Variants in AGO3 observed in about 807,000 individuals in gnomAD.
AGO3 encodes the protein protein argonaute-3.
AGO3 carries 16 observed loss-of-function variants against 105.5 expected under a neutral mutation model. The observed-to-expected ratio is 0.15, with a 90% CI of 0.10 to 0.23. AGO3 has a LOEUF of 0.23. Ranked by LOEUF, AGO3 falls within the 10% of genes least tolerant of loss-of-function variation. The pLI is 1.00. For missense variants in AGO3, 534 were observed against 1,088.0 expected (o/e 0.49, Z 7.16); for synonymous variants, 340 against 367.3 (o/e 0.93, Z 0.85).
intron 5 of AGO3, among the ~76,000 whole-genome samples, chr1:35,995,638 A>C (rs1648257529): frequency 6.6e-6 from 1 of 152,206 alleles, no homozygotes; most frequent in Admixed American, 6.5e-5. Context: ...GTAAATTTCC[A>C]AGACAAAATG....
In AGO3 at chr1:36,055,867, G is replaced by A. The variant is rs1032009329; in HGVS notation, c.*122G>A. The stretch of plus-strand genomic sequence containing the variant: ...CCATACAGAAACCAACACTGTGTGG[G>A]GGCCAAGGTCTGATCCTTATGTTAA... On this transcript the variant is annotated 3_prime_UTR_variant, in exon 19 of 19. Coordinates refer to ENST00000373191, the MANE Select transcript of AGO3 (RefSeq NM_024852.4). This position sits in a 1 kb window ranked among gnomAD's most constrained non-coding sequence, Gnocchi z 4.4. The A allele has an allele frequency of 2.3e-5, 19 of 841,650 alleles. No homozygotes were observed. Among genetic ancestry groups the A allele is most frequent in the Non-Finnish European group, 3.4e-5 (18 of 532,766 alleles). 52.1% of individuals were successfully genotyped at this position (841,650 alleles called of 1,614,324 possible).
chr1:36,068,971 G>A lies in AGO3; in HGVS notation c.*13226G>A, dbSNP rs1643128182. On this transcript the variant is annotated 3_prime_UTR_variant, in exon 19 of 19. Transcript: ENST00000373191. ...AAAGGGCTCTAGAATATGAGCCAGA[G>A]ACTTGGAATTTAGTAATAGGTCTCC... 1.3e-5 allele frequency: 2 copies of A among 152,226 alleles called. No individual in the cohort carries two copies. Among genetic ancestry groups the A allele is most frequent in the Non-Finnish European group, 2.9e-5 (2 of 68,044 alleles). The allele number at this position is 152,226 out of a possible 1,614,324, so 9.4% of individuals were successfully genotyped here. A position where few individuals can be genotyped will look rare whatever the true frequency, so the allele number is the denominator to read the frequency against.
At chr1:35,978,484 A>G (rs1438285430) in intron 5 of AGO3, among the ~76,000 whole-genome samples, 2 of 152,044 alleles carry the variant, frequency 1.3e-5, no homozygotes, top group Non-Finnish European at 2.9e-5. Context: ...GAGCCACCGC[A>G]TCTGGCCTGA....
intron 2 of AGO3, among the ~76,000 whole-genome samples, chr1:35,956,701 C>T (rs1165035557): frequency 6.7e-6 from 1 of 150,030 alleles, no homozygotes; most frequent in East Asian, 2.0e-4. Context: ...AATTCAGTGA[C>T]ATGATCACGT....
chr1:35,971,568 T>C (rs1646871813), intron 3 of AGO3, among the ~76,000 whole-genome samples: 1 of 152,072 alleles, frequency 6.6e-6, no homozygotes, highest in Admixed American at 6.6e-5. Flanking sequence ...TCCAGTCCAT[T>C]CCCTCCCATC....
At position 35,973,520 on chromosome 1, in the gene AGO3, A is replaced by G. The variant is rs1057132464; in HGVS notation, c.658+9A>G. The stretch of plus-strand genomic sequence containing the variant: ...GATGCTTAATATCGATGGTAAGGGA[A>G]CTAAAGCCATATTCTGTATTGGGTG... On this transcript the variant is annotated intron_variant, in intron 5 of 18. Coordinates refer to ENST00000373191, the MANE Select transcript of AGO3 (RefSeq NM_024852.4). The G allele has an allele frequency of 6.4e-7, 1 of 1,563,536 alleles. No homozygotes were observed. The highest frequency in any genetic ancestry group is 8.7e-7 in the Non-Finnish European group (1 of 1,149,414).
chr1:35,972,583 T>G lies in AGO3; in HGVS notation c.521+351T>G, dbSNP rs550146056. 2.6e-5 allele frequency among the ~76,000 whole-genome samples: 4 copies of G among 152,332 alleles called. No individual in the cohort carries two copies. In the East Asian group the frequency reaches 7.7e-4, roughly 29 times the overall value. On this transcript the variant is annotated intron_variant, in intron 4 of 18. Transcript: ENST00000373191. ...CACTGTTTATACAACAATATCAAAT[T>G]GTGTTGAATTGCTTTTTTTCAATAA...
Position 35,995,212 on chromosome 1 carries a change from ATAT to A in AGO3, c.659-9128_659-9126del, listed in dbSNP as rs1557672239. Among the ~76,000 whole-genome samples the A allele has an allele frequency of 1.4e-3, 153 of 106,556 alleles. 1 individual carries two copies. The Middle Eastern group carries it at 0.023, about 16-fold the overall frequency. The allele number at this position is 106,556 out of a possible 152,430, so 69.9% of individuals were successfully genotyped here. A position where few individuals can be genotyped will look rare whatever the true frequency, so the allele number is the denominator to read the frequency against. On this transcript the variant is annotated intron_variant, in intron 5 of 18. Transcript: ENST00000373191. ...CAAGACACTGTCTAAAAAAAAAAATATATATATATATATATATATATATATTAT... is the reference window on the plus strand; with the variant it reads ...CAAGACACTGTCTAAAAAAAAAAATAATATATATATATATATATATATTAT...
At chr1:35,945,271 G>A (rs963504000) in intron 1 of AGO3, among the ~76,000 whole-genome samples, 1 of 150,690 alleles carries the variant, frequency 6.6e-6, no homozygotes, top group African/African-American at 2.5e-5. Flanking sequence ...GGAGCGTCGT[G>A]TTACTATCAT....
At chr1:36,032,417 T>C (rs1569873684) in intron 12 of AGO3, among the ~76,000 whole-genome samples, 1 of 152,282 alleles carries the variant, frequency 6.6e-6, no homozygotes, top group Non-Finnish European at 1.5e-5. Context: ...GGTCTCACTC[T>C]GTCACCCAGA....
chr1:35,933,285 G>C (rs908236270), intron 1 of AGO3, among the ~76,000 whole-genome samples: 7 of 152,136 alleles, frequency 4.6e-5, no homozygotes, highest in Non-Finnish European at 8.8e-5. Flanking sequence ...TTATTCCTGA[G>C]ACTTGTATAT....
chr1:35,999,409 T>C (rs569326706), intron 5 of AGO3, among the ~76,000 whole-genome samples: 2 of 152,302 alleles, frequency 1.3e-5, no homozygotes, highest in South Asian at 2.1e-4. Flanking sequence ...TATAGTATCT[T>C]AAGTTCCAGG....
At chr1:36,044,412 T>TG (rs890694411) in intron 17 of AGO3, among the ~76,000 whole-genome samples, 8 of 151,780 alleles carry the variant, frequency 5.3e-5, no homozygotes, top group East Asian at 1.9e-4. Flanking sequence ...TTGTTGTTGT[T>TG]TTGTTTTGTT....
intron 2 of AGO3, among the ~76,000 whole-genome samples, chr1:35,958,234 A>G (rs557311588): frequency 1.1e-4 from 16 of 152,082 alleles, no homozygotes; most frequent in Middle Eastern, 3.4e-3. Context: ...TAAAAAAATT[A>G]GCCAGGCATG....
rs568029418 is a variant in AGO3 at position 36,049,734 on chromosome 1, C to T, written c.2275-5212C>T. ...GAGAAAGTCATTCATTCCATGCAAG[C>T]GGAAAAGAAATGCAAGCAGGAGTAG... is the stretch of plus-strand genomic sequence containing the variant. On this transcript the variant is annotated intron_variant, in intron 17 of 18. Transcript: ENST00000373191. Among the ~76,000 whole-genome samples the T allele has an allele frequency of 4.0e-5, 6 of 151,794 alleles. No homozygotes were observed. In the East Asian group the frequency reaches 7.7e-4, roughly 20 times the overall value.
chr1:35,992,117 A>G (rs1367554072), intron 5 of AGO3: 1 of 152,240 alleles, frequency 6.6e-6, no homozygotes, highest in African/African-American at 2.4e-5. Flanking sequence ...CCTAAAGGAT[A>G]GCAGTGTGGT....
intron 12 of AGO3, among the ~76,000 whole-genome samples, chr1:36,028,947 C>T (rs752316704): frequency 4.6e-5 from 7 of 152,156 alleles, no homozygotes; most frequent in Non-Finnish European, 1.0e-4. Flanking sequence ...TCCCAAAGTG[C>T]AGGGATTACA....
chr1:35,950,538 G>A (rs935810049), intron 2 of AGO3, among the ~76,000 whole-genome samples: 13 of 152,070 alleles, frequency 8.5e-5, no homozygotes, highest in South Asian at 6.2e-4. Flanking sequence ...TCCTCACCCC[G>A]TTTTGTGTTG....
At chr1:36,013,548 G>C in intron 9 of AGO3, 82 bp from the exon 10 acceptor site, 4 of 1,543,208 alleles carry the variant, frequency 2.6e-6, no homozygotes, top group Non-Finnish European at 3.5e-6. Flanking sequence ...ACACAGTGAA[G>C]AAAAAAAAGA....
Sources: gnomAD v4.1 joint callset for allele counts (sites outside exome capture counted in the v4.1 genomes callset) on GRCh38, gnomAD v4.1.1 for gene constraint, Gnocchi (gnomAD v3.1) non-coding constraint, MANE v1.5 for transcripts, NCBI Gene and HGNC (gene_info 2026-07-23, HGNC 2026-07-21) for gene names.